The following DDIAS variants were observed in gnomAD, a reference collection of about 807,000 sequenced individuals.
DDIAS encodes the protein DNA damage-induced apoptosis suppressor protein.
DDIAS carries 14 observed loss-of-function variants against 15.7 expected under a neutral mutation model. The ratio of observed to expected loss-of-function variants is 0.89; its 90% confidence interval spans 0.59 to 1.39. The LOEUF is 1.39. Ranked by LOEUF, DDIAS falls within the 40% of genes most tolerant of loss-of-function variation. The pLI is 0.00. For missense variants in DDIAS, 1,035 were observed against 1,130.9 expected (o/e 0.92, Z 1.22); for synonymous variants, 355 against 395.9 (o/e 0.90, Z 1.23).
chr11:82,914,723 A>T lies in DDIAS; in HGVS notation c.-16A>T, dbSNP rs770388916. The T allele has an allele frequency of 2.7e-6, 4 of 1,493,890 alleles. No homozygotes were observed. The highest frequency in any genetic ancestry group is 3.7e-6 in the Non-Finnish European group (4 of 1,074,926). The allele number at this position is 1,493,890 out of a possible 1,614,324, so 92.5% of individuals were successfully genotyped here. ...TCCCAATGGCTATTTTGTTTTGCAG[A>T]CCACGGTGTGAACACATGAACAGAA... On this transcript the variant is annotated splice_region_variant and 5_prime_UTR_variant, in exon 3 of 6. Transcript: ENST00000533655.
At chr11:82,910,595 T>C in intron 1 of DDIAS, among the ~76,000 whole-genome samples, 1 of 126,872 alleles carries the variant, frequency 7.9e-6, no homozygotes, top group African/African-American at 3.4e-5. Flanking sequence ...TAATTTTTTC[T>C]CTCTCTCTCT....
At chr11:82,916,089 C>A (rs1040719731) in intron 3 of DDIAS, among the ~76,000 whole-genome samples, 1 of 152,098 alleles carries the variant, frequency 6.6e-6, no homozygotes, top group African/African-American at 2.4e-5. Context: ...TCAGAGAACA[C>A]AACAGAGTTT....
chr11:82,918,610 T>C (rs534586124), intron 3 of DDIAS, among the ~76,000 whole-genome samples: 13 of 152,354 alleles, frequency 8.5e-5, no homozygotes, highest in African/African-American at 3.1e-4. Flanking sequence ...TCTAATTCTG[T>C]GAAGAATGAT....
intron 1 of DDIAS, among the ~76,000 whole-genome samples, chr11:82,903,292 A>G (rs765230407): frequency 1.3e-5 from 2 of 152,194 alleles, no homozygotes; most frequent in Non-Finnish European, 2.9e-5. Context: ...GGAAAAGTGA[A>G]TGATGGTTTC....
Position 82,932,001 on chromosome 11 carries a change from C to T in DDIAS, c.663C>T (p.Asp221=). The change falls in exon 6 of 6, where the codon GAC becomes GAT. Residue 221 remains aspartate (D), a synonymous_variant. Transcript: ENST00000533655. ...NSDLSSIYTS[D]STSDFFKSCS... is the part of the protein sequence containing the mutation. ...ATCTCAGCAGCATATATACTTCTGA[C>T]AGCACTTCTGATTTTTTCAAGTCCT... 1.2e-6 allele frequency: 2 copies of T among 1,614,154 alleles called. No individual in the cohort carries two copies. The highest frequency in any genetic ancestry group is 1.7e-6 in the Non-Finnish European group (2 of 1,180,014).
intron 1 of DDIAS, among the ~76,000 whole-genome samples, chr11:82,906,716 A>C (rs1860439733): frequency 6.6e-6 from 1 of 152,172 alleles, no homozygotes; most frequent in Non-Finnish European, 1.5e-5. Flanking sequence ...ATATGAACAG[A>C]AGTAAAAAAA....
intron 2 of DDIAS, chr11:82,914,093 T>G: frequency 3.1e-6 from 1 of 325,394 alleles, no homozygotes; most frequent in Non-Finnish European, 5.9e-6. Context: ...CCCCCCACCA[T>G]GCTCAGCTAC....
rs531803690 is a variant in DDIAS at position 82,917,589 on chromosome 11, C to T, written c.113+2738C>T. Among the ~76,000 whole-genome samples the T allele has an allele frequency of 7.2e-5, 11 of 152,258 alleles. No homozygotes were observed. The East Asian group carries it at 2.1e-3, about 29-fold the overall frequency. ...GGTTCCACGATTTTGCAATTGTGAA[C>T]TGGGCTGCTATAAACATGAGTGTGC... On this transcript the variant is annotated intron_variant, in intron 3 of 5. Coordinates refer to ENST00000533655, the MANE Select transcript of DDIAS (RefSeq NM_145018.4).
rs1861035285 is a variant in DDIAS at position 82,933,067 on chromosome 11, T to G, written c.1729T>G (p.Leu577Val). 1 of 1,602,880 alleles carries G rather than the reference T, an allele frequency of 6.2e-7. No homozygotes were observed. Among genetic ancestry groups the G allele is most frequent in the African/African-American group, 1.3e-5 (1 of 74,732 alleles). The change falls in exon 6 of 6, where the codon TTG becomes GTG. Residue 577 changes from leucine (L) to valine (V), a missense_variant. Leu to Val is a conservative substitution (Grantham distance 32, BLOSUM62 1). Transcript: ENST00000533655. Reference sequence around the variant, plus strand: ...CCATTCTAGTCTAAATAACAAATATTTGAATGGATGTGGAGAAATATCAGT... The same window carrying G: ...CCATTCTAGTCTAAATAACAAATATGTGAATGGATGTGGAGAAATATCAGT... Reference protein sequence around the residue: ...SDHSSLNNKYLNGCGEISVSE... With the variant: ...SDHSSLNNKYVNGCGEISVSE...
intron 1 of DDIAS, among the ~76,000 whole-genome samples, chr11:82,912,660 TCACTGGAGTAG>T (rs1860548832): frequency 6.6e-6 from 1 of 152,252 alleles, no homozygotes; most frequent in Non-Finnish European, 1.5e-5. Context: ...ACTTATGTGT[TCACTGGAGTAG>T]CACTTTTAAT....
At chr11:82,921,571 CTTTT>C (rs968751055) in intron 3 of DDIAS, among the ~76,000 whole-genome samples, 61 of 78,130 alleles carry the variant, frequency 7.8e-4, no homozygotes, top group African/African-American at 2.9e-3. Flanking sequence ...TTCTTTCTTT[CTTTT>C]TTTTTTTTTT....
At position 82,918,827 on chromosome 11, in the gene DDIAS, G is replaced by GT. The variant is rs1017147920; in HGVS notation, c.113+3985dup. Among the ~76,000 whole-genome samples the GT allele has an allele frequency of 8.9e-3, 1,335 of 149,834 alleles. 17 individuals carry two copies. The highest frequency in any genetic ancestry group is 0.031 in the African/African-American group (1,245 of 40,370). On this transcript the variant is annotated intron_variant, in intron 3 of 5. Transcript: ENST00000533655. The stretch of plus-strand genomic sequence containing the variant: ...TTCCTAAATTTGTTTTTTTTGTGTG[G>GT]TTTTTTTTTGTGTGTGTGTTTTTGT...
At position 82,913,296 on chromosome 11, in the gene DDIAS, C is replaced by T. The variant is rs761990533; in HGVS notation, c.-107C>T. 1 of 154,238 alleles carries T rather than the reference C, an allele frequency of 6.5e-6. No individual in the cohort carries two copies. The highest frequency in any genetic ancestry group is 1.4e-5 in the Non-Finnish European group (1 of 69,484). The allele number at this position is 154,238 out of a possible 1,614,324, so 9.6% of individuals were successfully genotyped here. A position where few individuals can be genotyped will look rare whatever the true frequency, so the allele number is the denominator to read the frequency against. ...GTTTATTTGGAGATAGGGTCTTGCT[C>T]TGTCACCCAGGCTGGAGTGCCATGG... On this transcript the variant is annotated 5_prime_UTR_variant, in exon 2 of 6. Transcript: ENST00000533655.
chr11:82,906,499 T>C (rs1005147648), intron 1 of DDIAS, among the ~76,000 whole-genome samples: 1 of 152,170 alleles, frequency 6.6e-6, no homozygotes, highest in African/African-American at 2.4e-5. Context: ...TATTAGTGAG[T>C]TGTCTGCCCA....
At chr11:82,924,290 T>C (rs1426070909) in intron 3 of DDIAS, among the ~76,000 whole-genome samples, 1 of 152,194 alleles carries the variant, frequency 6.6e-6, no homozygotes, top group Non-Finnish European at 1.5e-5. Flanking sequence ...TATATAATCA[T>C]ATAGTCAGGA....
chr11:82,904,185 A>G (rs1860381828), intron 1 of DDIAS, among the ~76,000 whole-genome samples: 1 of 152,254 alleles, frequency 6.6e-6, no homozygotes, highest in Non-Finnish European at 1.5e-5. Flanking sequence ...CACATCTTAT[A>G]CTTTTATGTT....
intron 3 of DDIAS, 115 bp downstream of exon 3, chr11:82,914,966 G>A: frequency 4.6e-6 from 3 of 648,312 alleles, no homozygotes; most frequent in Non-Finnish European, 7.5e-6. Flanking sequence ...TTCTCTCAGG[G>A]GTTGGTTCTT....
In DDIAS at chr11:82,914,731, G is replaced by A; in HGVS notation, c.-8G>A. 6.5e-7 allele frequency: 1 copy of A among 1,540,228 alleles called. No homozygotes were observed. The highest frequency in any genetic ancestry group is 1.7e-5 in the Admixed American group (1 of 59,464). On this transcript the variant is annotated 5_prime_UTR_variant, in exon 3 of 6. In the 5' UTR this introduces an upstream ATG that the reference lacks. Transcript: ENST00000533655. ...GCTATTTTGTTTTGCAGACCACGGT[G>A]TGAACACATGAACAGAAGACGAAAA... is the stretch of plus-strand genomic sequence containing the variant.
chr11:82,917,677 G>T (rs1860659057), intron 3 of DDIAS, among the ~76,000 whole-genome samples: 1 of 152,128 alleles, frequency 6.6e-6, no homozygotes, highest in African/African-American at 2.4e-5. Context: ...TGGGATTGCT[G>T]GATCAAATAG....
Sources: gnomAD v4.1 joint callset for allele counts (sites outside exome capture counted in the v4.1 genomes callset) on GRCh38, gnomAD v4.1.1 for gene constraint, MANE v1.5 for transcripts, NCBI Gene and HGNC (gene_info 2026-07-23, HGNC 2026-07-21) for gene names.